Variants in ATP6V0A4 observed in about 807,000 individuals in gnomAD.
ATP6V0A4 encodes the protein V-type proton ATPase 116 kDa subunit a 4.
In ATP6V0A4, 86 loss-of-function variants were observed where a neutral mutation model predicts 107.3. The ratio of observed to expected loss-of-function variants is 0.80; its 90% confidence interval spans 0.67 to 0.96. The LOEUF (loss-of-function observed/expected upper bound fraction) is 0.96, where lower values mean the gene tolerates loss of function less well. Ranked by LOEUF, ATP6V0A4 falls within the 40% of genes least tolerant of loss-of-function variation. The pLI is 0.00. For missense variants in ATP6V0A4, 908 were observed against 1,045.6 expected (o/e 0.87, Z 1.81); for synonymous variants, 353 against 381.4 (o/e 0.93, Z 0.87).
chr7:138,797,944 T>C, intron 1 of ATP6V0A4, 90 bp downstream of exon 1: 1 of 1,531,628 alleles, frequency 6.5e-7, no homozygotes, highest in South Asian at 1.2e-5. Flanking sequence ...TTTCCTTTGC[T>C]CCACCCCATG....
At chr7:138,753,255 G>A (rs1806324169) in intron 10 of ATP6V0A4, among the ~76,000 whole-genome samples, 1 of 152,178 alleles carries the variant, frequency 6.6e-6, no homozygotes, top group African/African-American at 2.4e-5. Flanking sequence ...GAGGCACACA[G>A]GGAAGAATAC....
intron 14 of ATP6V0A4, among the ~76,000 whole-genome samples, chr7:138,743,952 T>C (rs926531154): frequency 2.6e-5 from 4 of 152,100 alleles, no homozygotes; most frequent in Non-Finnish European, 5.9e-5. Context: ...CTCCCCCAGT[T>C]CATTAAATGG....
rs763249692 is a variant in ATP6V0A4, at chr7:138,709,846, T to G, written c.2258-51A>C. ...ATTATCTTGTAAATGCAGATTGTTA[T>G]TTATTGTATTTTCTCATCTTTTTAA... On this transcript the variant is annotated intron_variant, in intron 20 of 21. Coordinates refer to ENST00000310018, the MANE Select transcript of ATP6V0A4 (RefSeq NM_020632.3). 6.9e-5 allele frequency: 109 copies of G among 1,591,116 alleles called. 1 individual carries two copies. Among genetic ancestry groups the G allele is most frequent in the Admixed American group, 1.4e-4 (8 of 59,124 alleles).
chr7:138,769,687 CA>C (rs1483076423), intron 3 of ATP6V0A4, among the ~76,000 whole-genome samples: 1 of 152,056 alleles, frequency 6.6e-6, no homozygotes, highest in Admixed American at 6.6e-5. Context: ...CAGATACTTC[CA>C]TGCACAAGAC....
intron 19 of ATP6V0A4, among the ~76,000 whole-genome samples, chr7:138,719,565 C>T (rs1255409524): frequency 6.6e-6 from 1 of 152,214 alleles, no homozygotes; most frequent in Non-Finnish European, 1.5e-5. Flanking sequence ...GACACTGAAG[C>T]TTGGGTGACC....
chr7:138,713,120 C>T (rs1426814374), intron 20 of ATP6V0A4, among the ~76,000 whole-genome samples: 7 of 150,580 alleles, frequency 4.6e-5, no homozygotes, highest in Non-Finnish European at 7.4e-5. Context: ...GAAACCCCGT[C>T]TCTACTGAAA....
chr7:138,769,603 C>G (rs1208360345), intron 3 of ATP6V0A4, among the ~76,000 whole-genome samples: 1 of 152,114 alleles, frequency 6.6e-6, no homozygotes, highest in African/African-American at 2.4e-5. Context: ...GCGTGAGGCA[C>G]TGCGCTAAGC....
chr7:138,706,914 GAC>G (rs1251369685), intron 21 of ATP6V0A4, 197 bp from the exon 22 acceptor site: 1 of 330,080 alleles, frequency 3.0e-6, no homozygotes, highest in Admixed American at 9.4e-5. Flanking sequence ...TTTTTTTTGA[GAC>G]AGAGTCTTGC....
At position 138,747,509 on chromosome 7, in the gene ATP6V0A4, A is replaced by G; in HGVS notation, c.1236T>C (p.Cys412=). 2 of 1,614,164 alleles carry G rather than the reference A, an allele frequency of 1.2e-6. No homozygotes were observed. Among genetic ancestry groups the G allele is most frequent in the Non-Finnish European group, 8.5e-7 (1 of 1,180,032 alleles). Reference sequence around the variant, plus strand: ...CCAGGAGCATCACGGTTCCATGACCACAGTCTCCAAACATCACAGCGAACA... The same window carrying G: ...CCAGGAGCATCACGGTTCCATGACCGCAGTCTCCAAACATCACAGCGAACA... ...PFLFAVMFGD[C]GHGTVMLLAA... The change falls in exon 13 of 22, where the codon TGT becomes TGC. Residue 412 remains cysteine (C), a synonymous_variant. Coordinates refer to ENST00000310018, the MANE Select transcript of ATP6V0A4 (RefSeq NM_020632.3).
rs78186320 is a variant in ATP6V0A4 at position 138,777,897 on chromosome 7, T to C, written c.-17-6633A>G. ...AGGTTGAGTATCCCTAATCTGAAAA[T>C]TCAAAATCGGAAATACTCCAAAATC... is the stretch of plus-strand genomic sequence containing the variant. On this transcript the variant is annotated intron_variant, in intron 2 of 21. Transcript: ENST00000310018. Among the ~76,000 whole-genome samples the C allele has an allele frequency of 4.0e-3, 610 of 152,136 alleles. 5 individuals are homozygous for C. Among genetic ancestry groups the C allele is most frequent in the African/African-American group, 0.014 (578 of 41,506 alleles).
intron 2 of ATP6V0A4, among the ~76,000 whole-genome samples, chr7:138,775,751 C>T (rs1048259678): frequency 9.9e-5 from 15 of 151,194 alleles, no homozygotes; most frequent in East Asian, 2.0e-4. Context: ...CCTGGGTTCA[C>T]GCCATTCTCC....
At chr7:138,732,668 C>T (rs748730087) in intron 17 of ATP6V0A4, among the ~76,000 whole-genome samples, 2 of 151,880 alleles carry the variant, frequency 1.3e-5, no homozygotes, top group African/African-American at 2.4e-5. Context: ...GTGGCGTGCA[C>T]CTGTAGTCCC....
At chr7:138,764,667 T>C (rs181909939) in intron 5 of ATP6V0A4, among the ~76,000 whole-genome samples, 3 of 152,162 alleles carry the variant, frequency 2.0e-5, no homozygotes, top group Non-Finnish European at 4.4e-5. Flanking sequence ...ACAAAAGGAA[T>C]AATAACTGAA....
At chr7:138,797,737 A>T (rs1230344875) in intron 1 of ATP6V0A4, among the ~76,000 whole-genome samples, 1 of 152,050 alleles carries the variant, frequency 6.6e-6, no homozygotes, top group Admixed American at 6.6e-5. Flanking sequence ...TCCATGCTAC[A>T]CCTGCAGATG....
chr7:138,763,801 A>G (rs1806947252), intron 5 of ATP6V0A4, among the ~76,000 whole-genome samples: 2 of 151,866 alleles, frequency 1.3e-5, no homozygotes, highest in Admixed American at 6.6e-5. Flanking sequence ...CCTGGCCAAC[A>G]TGGTGAAACC....
chr7:138,777,636 ACAC>A (rs1807728536), intron 2 of ATP6V0A4, among the ~76,000 whole-genome samples: 1 of 141,644 alleles, frequency 7.1e-6, no homozygotes, highest in Admixed American at 7.0e-5. Flanking sequence ...AAAAAAATAC[ACAC>A]ACACACACAC....
chr7:138,797,150 C>T (rs1808710915), intron 1 of ATP6V0A4, among the ~76,000 whole-genome samples: 1 of 151,816 alleles, frequency 6.6e-6, no homozygotes, highest in Admixed American at 6.6e-5. Flanking sequence ...TGCCATCTTC[C>T]CCTCTCCCCC....
chr7:138,718,719 T>C (rs10255866), intron 19 of ATP6V0A4, among the ~76,000 whole-genome samples: 29,663 of 63,650 alleles, frequency 0.47, 9,542 homozygotes, highest in Admixed American at 0.62. Context: ...GAGGGAGACG[T>C]CCAGGAAGGA....
At chr7:138,723,622 T>C (rs957034112) in intron 18 of ATP6V0A4, among the ~76,000 whole-genome samples, 1 of 151,070 alleles carries the variant, frequency 6.6e-6, no homozygotes, top group African/African-American at 2.4e-5. Flanking sequence ...GTCCCCCAGT[T>C]CAAGAGATTC....
Sources: allele counts gnomAD v4.1 joint callset (sites outside exome capture counted in the v4.1 genomes callset), GRCh38; gene constraint gnomAD v4.1.1; transcripts MANE v1.5; gene names NCBI Gene and HGNC (gene_info 2026-07-23, HGNC 2026-07-21).